RACK1: variants seen among roughly 807,000 people sequenced by gnomAD.
The protein encoded by RACK1 is small ribosomal subunit protein RACK1.
A neutral mutation model predicts 42.2 loss-of-function variants in RACK1; 3 were observed. The observed-to-expected ratio is 0.07, with a 90% CI of 0.03 to 0.18. The LOEUF (loss-of-function observed/expected upper bound fraction) is 0.18, where lower values mean the gene tolerates loss of function less well. Ranked by LOEUF, RACK1 falls within the 10% of genes least tolerant of loss-of-function variation. The pLI, the probability that RACK1 is intolerant of heterozygous loss-of-function variation, is 1.00. For synonymous variants in RACK1, 181 were observed against 154.8 expected (o/e 1.17, Z -1.25); for missense variants, 146 against 403.2 (o/e 0.36, Z 5.46).
At position 181,237,663 on chromosome 5, in the gene RACK1, G is replaced by A. The variant is rs11540194; in HGVS notation, c.834C>T (p.Ser278=). Residue 278 remains serine, a synonymous_variant, in exon 7 of 8, where the codon AGC becomes AGT. Coordinates refer to ENST00000512805, the MANE Select transcript of RACK1 (RefSeq NM_006098.5). The part of the protein sequence containing the change: ...DELKQEVIST[S]SKAEPPQCTS... ...TGCACTGGGGTGGTTCTGCCTTGCT[G>A]CTGGTACTGATAACTTCTTGCTTCA... The A allele has an allele frequency of 9.9e-6, 16 of 1,613,038 alleles. No individual in the cohort carries two copies. Among genetic ancestry groups the A allele is most frequent in the Non-Finnish European group, 1.4e-5 (16 of 1,179,078 alleles).
At chr5:181,238,812 AAAAC>A (rs201952860) in intron 5 of RACK1, 9,089 of 471,620 alleles carry the variant, frequency 0.019, 304 homozygotes, top group African/African-American at 0.1. Flanking sequence ...AAAAAAACAA[AAAAC>A]AAACAAACAA....
intron 1 of RACK1, chr5:181,242,790 C>CTCAAG (rs945235063): frequency 1.2e-5 from 4 of 336,274 alleles, no homozygotes; most frequent in African/African-American, 8.7e-5. Context: ...AACTCCTGAT[C>CTCAAG]TCAAGTGATC....
intron 1 of RACK1, chr5:181,243,292 A>G (rs773407426): frequency 1.4e-5 from 19 of 1,357,840 alleles, no homozygotes; most frequent in Middle Eastern, 4.2e-4. Context: ...CTGCCTCCCC[A>G]CGAGCCTTGG....
At position 181,238,272 on chromosome 5, in the gene RACK1, G is replaced by T; in HGVS notation, c.637-33C>A. 3 of 1,608,594 alleles carry T rather than the reference G, an allele frequency of 1.9e-6. No individual in the cohort carries two copies. In the South Asian group the frequency reaches 3.3e-5, roughly 18 times the overall value. ...CAGGTAAGGTAAATCAGGACACTGT[G>T]ACCTCTTCCAGATGTTAATTCTGCC... is the stretch of plus-strand genomic sequence containing the variant. On this transcript the variant is annotated intron_variant, in intron 5 of 7. Coordinates refer to ENST00000512805, the MANE Select transcript of RACK1 (RefSeq NM_006098.5).
At chr5:181,242,385 C>T (rs559260027) in intron 1 of RACK1, 40 bp from the exon 2 acceptor site, 10 of 1,432,004 alleles carry the variant, frequency 7.0e-6, no homozygotes, top group African/African-American at 1.4e-5. Context: ...GTGAGGAACC[C>T]GCAGCCCGTT....
In RACK1 at chr5:181,243,900, AAG is replaced by A. The variant is rs535433416; in HGVS notation, c.-102_-101del. 43 of 1,454,434 alleles carry A rather than the reference AAG, an allele frequency of 3.0e-5. No homozygotes were observed. The highest frequency in any genetic ancestry group is 1.3e-4 in the East Asian group (5 of 38,880). 90.1% of individuals were successfully genotyped at this position (1,454,434 alleles called of 1,614,324 possible). A position where few individuals can be genotyped will look rare whatever the true frequency, so the allele number is the denominator to read the frequency against. ...CTCTCCTGCCGCCGCCTTGCAGTGA[AAG>A]AGAGAGAGAAAAGCCCCCCGCCGGA... On this transcript the variant is annotated 5_prime_UTR_variant, in exon 1 of 8. Coordinates refer to ENST00000512805, the MANE Select transcript of RACK1 (RefSeq NM_006098.5).
chr5:181,238,020 G>GTT, intron 6 of RACK1, 79 bp downstream of exon 6: 1 of 1,485,610 alleles, frequency 6.7e-7, no homozygotes, highest in African/African-American at 1.4e-5. Context: ...GTGGGAGTCA[G>GTT]ATGGCATATA....
chr5:181,243,630 C>A, intron 1 of RACK1, 62 bp downstream of exon 1: 1 of 1,537,082 alleles, frequency 6.5e-7, no homozygotes, highest in Non-Finnish European at 8.8e-7. Flanking sequence ...GAATTCCCTA[C>A]ACGACACGCG....
At position 181,238,900 on chromosome 5, in the gene RACK1, T is replaced by C. The variant is rs1021640675; in HGVS notation, c.636+167A>G. 24 of 701,394 alleles carry C rather than the reference T, an allele frequency of 3.4e-5. No individual in the cohort carries two copies. The African/African-American group carries it at 4.2e-4, about 12-fold the overall frequency. The allele number at this position is 701,394 out of a possible 1,614,324, so 43.4% of individuals were successfully genotyped here. ...TCCAGATAGTATGCCTTAACTGTCA[T>C]TTGCTGAAAGTAATCTTTGGAAACA... is the stretch of plus-strand genomic sequence containing the variant. On this transcript the variant is annotated intron_variant, in intron 5 of 7. Transcript: ENST00000512805.
intron 1 of RACK1, chr5:181,242,922 ACT>A (rs1268089139): frequency 3.0e-6 from 1 of 329,622 alleles, no homozygotes; most frequent in East Asian, 9.0e-5. Context: ...ACTCAGACGA[ACT>A]CAACAGCCAC....
chr5:181,238,456 A>T (rs1759218078), intron 5 of RACK1: 1 of 514,750 alleles, frequency 1.9e-6, no homozygotes, highest in Non-Finnish European at 3.5e-6. Flanking sequence ...AACTTACATA[A>T]ATCACTCCAA....
At chr5:181,237,117 C>T in intron 7 of RACK1, 75 bp from the exon 8 acceptor site, 1 of 1,597,052 alleles carries the variant, frequency 6.3e-7, no homozygotes, top group Non-Finnish European at 8.5e-7. Context: ...GCCCAAGTGG[C>T]TTTTTTTGAG....
chr5:181,237,541 A>G (rs754517798), intron 7 of RACK1, 68 bp downstream of exon 7: 2 of 858,830 alleles, frequency 2.3e-6, no homozygotes, highest in South Asian at 2.6e-5. Context: ...CAGACTAGAT[A>G]TACTAACAGA....
intron 1 of RACK1, 70 bp from the exon 2 acceptor site, chr5:181,242,415 C>G (rs1395793437): frequency 2.8e-6 from 3 of 1,064,674 alleles, no homozygotes; most frequent in South Asian, 1.4e-5. Context: ...GGATAATTCA[C>G]TAAGTGTCAA....
intron 7 of RACK1, 174 bp from the exon 8 acceptor site, chr5:181,237,216 TCCTC>T (rs1211634534): frequency 1.6e-6 from 2 of 1,263,234 alleles, no homozygotes; most frequent in African/African-American, 3.0e-5. Flanking sequence ...GTTCAAGAGA[TCCTC>T]CCACCTCAGC....
At chr5:181,241,448 A>T in intron 3 of RACK1, 44 bp downstream of exon 3, 3 of 1,509,184 alleles carry the variant, frequency 2.0e-6, no homozygotes, top group Non-Finnish European at 2.7e-6. Context: ...AAAAAAGCAA[A>T]GTTTAAGAGG....
rs1443817618 is a variant in RACK1, at chr5:181,241,582, G to A, written c.339C>T (p.Phe113=). 6 of 1,614,094 alleles carry A rather than the reference G, an allele frequency of 3.7e-6. No individual in the cohort carries two copies. The highest frequency in any genetic ancestry group is 5.1e-6 in the Non-Finnish European group (6 of 1,179,946). The stretch of plus-strand genomic sequence containing the variant: ...AGACAATCTGCCGGTTGTCAGAGGA[G>A]AAGGCCACACTCAGCACATCCTTGG... ...GHTKDVLSVA[F]SSDNRQIVSG... The change falls in exon 3 of 8, where the codon TTC becomes TTT. Residue 113 remains phenylalanine, a synonymous_variant. Coordinates refer to ENST00000512805, the MANE Select transcript of RACK1 (RefSeq NM_006098.5).
intron 1 of RACK1, 145 bp downstream of exon 1, chr5:181,243,547 A>G: frequency 7.2e-7 from 1 of 1,397,434 alleles, no homozygotes; most frequent in Non-Finnish European, 9.7e-7. Context: ...CGCACGCCCC[A>G]ATTCACAATG....
At chr5:181,237,199 C>T (rs1194759424) in intron 7 of RACK1, 157 bp from the exon 8 acceptor site, 1 of 1,400,754 alleles carries the variant, frequency 7.1e-7, no homozygotes, top group African/African-American at 1.4e-5. Flanking sequence ...AGCCTTAAGC[C>T]CCTGCAGTTC....
Sources: allele counts gnomAD v4.1 joint callset, GRCh38; gene constraint gnomAD v4.1.1; transcripts MANE v1.5; gene names NCBI Gene and HGNC (gene_info 2026-07-23, HGNC 2026-07-21).